HELB: variants seen among roughly 807,000 people sequenced by gnomAD.
HELB encodes the protein DNA helicase B, also known as DNA 5'-3' helicase B.
Under a neutral mutation model 101.7 loss-of-function variants are expected in HELB, and 96 were observed. That is an observed-to-expected ratio of 0.94 (90% CI 0.80 to 1.12). The LOEUF is 1.12. Among genes scored for constraint, HELB ranks in the 50% most tolerant of loss-of-function variants. The pLI is 0.00. For synonymous variants in HELB, 437 were observed against 459.7 expected, an observed-to-expected ratio of 0.95 and a Z score of 0.63; for missense variants, 1,210 against 1,291.9, an observed-to-expected ratio of 0.94 and a Z score of 0.97.
chr12:66,307,754 CTTT>C (rs752323706), intron 3 of HELB, among the ~76,000 whole-genome samples: 1 of 145,874 alleles, frequency 6.9e-6, no homozygotes. Context: ...CTTTTCTTTT[CTTT>C]TTTTTTTTTT....
At chr12:66,335,818 T>C (rs1565645869) in intron 12 of HELB, among the ~76,000 whole-genome samples, 2 of 152,172 alleles carry the variant, frequency 1.3e-5, no homozygotes, top group African/African-American at 4.8e-5. Flanking sequence ...GTTGGGTATA[T>C]ATAGCAGAGG....
At chr12:66,324,866 A>C in intron 10 of HELB, 117 bp from the exon 11 acceptor site, 1 of 1,266,356 alleles carries the variant, frequency 7.9e-7, no homozygotes, top group Non-Finnish European at 1.1e-6. Flanking sequence ...TGAAATTCTT[A>C]ATGGTAATTG....
Position 66,322,011 on chromosome 12 carries a change from A to G in HELB, c.2219A>G (p.Gln740Arg). 1 of 1,157,178 alleles carries G rather than the reference A, an allele frequency of 8.6e-7. No homozygotes were observed. Among genetic ancestry groups the G allele is most frequent in the Non-Finnish European group, 1.3e-6 (1 of 795,786 alleles). The allele number at this position is 1,157,178 out of a possible 1,614,324, so 71.7% of individuals were successfully genotyped here. The part of the protein sequence containing the change: ...ENNLQNAKTS[Q>R]FIAFRRQDCD... The stretch of plus-strand genomic sequence containing the variant: ...AACTTACAAAATGCAAAAACATCAC[A>G]ATTTATTGCATTTAGAAGGTAAAGC... Residue 740 changes from glutamine to arginine, a missense_variant, in exon 8 of 13, where the codon CAA (glutamine) becomes CGA (arginine). Transcript: ENST00000247815.
At chr12:66,343,162 CA>C (rs1405711353), downstream of HELB, 1 of 152,172 alleles carries the variant, frequency 6.6e-6, no homozygotes, top group Non-Finnish European at 1.5e-5. Context: ...ATCTACTTGT[CA>C]GTTTCTGCAA....
chr12:66,325,263 T>C (rs955598306), intron 11 of HELB, 137 bp downstream of exon 11: 1 of 597,870 alleles, frequency 1.7e-6, no homozygotes, highest in Non-Finnish European at 2.9e-6. Flanking sequence ...CAGAACATAA[T>C]AGAGAAGACG....
chr12:66,319,468 ACT>A (rs945197280), intron 7 of HELB, among the ~76,000 whole-genome samples: 1 of 152,188 alleles, frequency 6.6e-6, no homozygotes, highest in African/African-American at 2.4e-5. Flanking sequence ...AGTGTGAGAC[ACT>A]CTATAAATGT....
intron 7 of HELB, among the ~76,000 whole-genome samples, chr12:66,320,922 A>G (rs536507565): frequency 1.2e-4 from 18 of 152,290 alleles, no homozygotes; most frequent in Admixed American, 1.1e-3. Flanking sequence ...GGGGAAAGTG[A>G]AAAAAGGTAT....
Position 66,314,055 on chromosome 12 carries a change from G to T in HELB, c.1750G>T (p.Val584Phe), listed in dbSNP as rs1361667386. ...TTNKPWKFSSVRVLVVDEGSL... is the reference protein window; with the variant it reads ...TTNKPWKFSSFRVLVVDEGSL... ...AAACAAACCATGGAAATTTTCTTCG[G>T]TTAGAGTTCTGGTTGTGGATGAAGG... is the stretch of plus-strand genomic sequence containing the variant. Residue 584 changes from valine (V) to phenylalanine (F), a missense_variant, in exon 5 of 13, where the codon GTT becomes TTT. Transcript: ENST00000247815. The T allele has an allele frequency of 6.2e-7, 1 of 1,613,866 alleles. No homozygotes were observed. Among genetic ancestry groups the T allele is most frequent in the South Asian group, 1.1e-5 (1 of 91,080 alleles).
intron 7 of HELB, among the ~76,000 whole-genome samples, chr12:66,319,041 G>A (rs919556676): frequency 6.6e-6 from 1 of 152,142 alleles, no homozygotes; most frequent in African/African-American, 2.4e-5. Flanking sequence ...GGATGTAGAT[G>A]ATTTTGTTTA....
chr12:66,311,395 G>A (rs1018655121), intron 4 of HELB, among the ~76,000 whole-genome samples: 8 of 152,070 alleles, frequency 5.3e-5, no homozygotes, highest in African/African-American at 1.7e-4. Context: ...CTGTGAGGTC[G>A]AAGCTGCAGT....
downstream of HELB, chr12:66,339,818 A>G (rs951047502): frequency 6.6e-6 from 1 of 152,178 alleles, no homozygotes; most frequent in African/African-American, 2.4e-5. Flanking sequence ...CCCCATCCCT[A>G]GGTAACCTGA....
At chr12:66,309,684 AC>A (rs754751340) in intron 3 of HELB, 21 bp from the exon 4 acceptor site, 97 of 1,525,054 alleles carry the variant, frequency 6.4e-5, no homozygotes, top group Non-Finnish European at 8.0e-5. Context: ...TTATAAACCA[AC>A]CTGAACTTTA....
intron 11 of HELB, among the ~76,000 whole-genome samples, chr12:66,327,321 C>G (rs1691799): frequency 0.5 from 75,942 of 151,226 alleles, 19,416 homozygotes; most frequent in East Asian, 0.72. Flanking sequence ...TTCACCTTTA[C>G]GAAATTTTCT....
rs145110411 is a variant in HELB, at chr12:66,310,195, G to A, written c.1267G>A (p.Asp423Asn). 1.9e-4 allele frequency: 314 copies of A among 1,614,176 alleles called. 1 individual carries two copies. In the Middle Eastern group the frequency reaches 2.0e-3, roughly 10 times the overall value. Residue 423 changes from aspartate to asparagine, a missense_variant, in exon 4 of 13, where the codon GAC (aspartate) becomes AAC (asparagine). By Grantham distance (23) the Asp-to-Asn change is conservative (BLOSUM62 1). Around this residue, in one of 2 missense-constraint regions of HELB, gnomAD observed 470 missense variants for 563.1 expected, o/e 0.83. Coordinates refer to ENST00000247815, the MANE Select transcript of HELB (RefSeq NM_001370285.1). ...TCCTGTGGATGTTGTGGACACACAG[G>A]ACAATGGTGACCATATTTGGACTAA... ...ENPVDVVDTQ[D>N]NGDHIWTNGE...
At chr12:66,324,800 T>C (rs2053716159) in intron 10 of HELB, 183 bp from the exon 11 acceptor site, 1 of 601,528 alleles carries the variant, frequency 1.7e-6, no homozygotes. Context: ...TTGTGTTTAT[T>C]AAAATATTTA....
intron 12 of HELB, among the ~76,000 whole-genome samples, chr12:66,333,292 A>G (rs1426867082): frequency 6.6e-6 from 1 of 152,166 alleles, no homozygotes; most frequent in African/African-American, 2.4e-5. Flanking sequence ...TAAAAAGGTG[A>G]CATGTGAGCT....
chr12:66,310,679 C>G (rs548544614), intron 4 of HELB, 71 bp downstream of exon 4: 12 of 1,422,784 alleles, frequency 8.4e-6, no homozygotes, highest in South Asian at 5.4e-5. Context: ...CGCCTGTAAT[C>G]CCAGAACTTT....
At chr12:66,335,517 GA>G (rs1157313142) in intron 12 of HELB, among the ~76,000 whole-genome samples, 1 of 152,054 alleles carries the variant, frequency 6.6e-6, no homozygotes, top group Non-Finnish European at 1.5e-5. Flanking sequence ...GAGGGCTGCT[GA>G]AAAAAGAAGG....
In HELB at chr12:66,302,520, A is replaced by G; in HGVS notation, c.-84A>G. On this transcript the variant is annotated 5_prime_UTR_variant, in exon 1 of 13. Coordinates refer to ENST00000247815, the MANE Select transcript of HELB (RefSeq NM_001370285.1). ...GCCGTTCCCGGAAGTTGATGGCCTT[A>G]CAGTCGTAGAACTGATTGGCTGATC... 8 of 1,275,934 alleles carry G rather than the reference A, an allele frequency of 6.3e-6. No individual in the cohort carries two copies. The highest frequency in any genetic ancestry group is 7.6e-6 in the Non-Finnish European group (7 of 922,152). The allele number at this position is 1,275,934 out of a possible 1,614,324, so 79.0% of individuals were successfully genotyped here.
Sources: gnomAD v4.1 joint callset for allele counts (sites outside exome capture counted in the v4.1 genomes callset) on GRCh38, gnomAD v4.1.1 for gene constraint, gnomAD v4.1.1 regional missense constraint, MANE v1.5 for transcripts, NCBI Gene and HGNC (gene_info 2026-07-23, HGNC 2026-07-21) for gene names.